The following MACROD2 variants were observed in gnomAD, a reference collection of about 807,000 sequenced individuals.
The protein encoded by MACROD2 is ADP-ribose glycohydrolase MACROD2.
MACROD2 carries 36 observed loss-of-function variants against 70.4 expected under a neutral mutation model. That is an observed-to-expected ratio of 0.51 (90% CI 0.39 to 0.68). The LOEUF (loss-of-function observed/expected upper bound fraction) is 0.68. Ranked by LOEUF, MACROD2 falls within the 30% of genes least tolerant of loss-of-function variation. The pLI, the probability that MACROD2 is intolerant of heterozygous loss-of-function variation, is 0.00. For synonymous variants in MACROD2, 172 were observed against 178.8 expected, an observed-to-expected ratio of 0.96 and a Z score of 0.30; for missense variants, 496 against 538.4, an observed-to-expected ratio of 0.92 and a Z score of 0.78.
At chr20:15,147,997 G>T (rs904110542) in intron 5 of MACROD2, among the ~76,000 whole-genome samples, 1 of 152,120 alleles carries the variant, frequency 6.6e-6, no homozygotes, top group Non-Finnish European at 1.5e-5. Flanking sequence ...ATGTGTATGT[G>T]CAGGTCACAG....
At chr20:14,495,132 A>G (rs559038456) in intron 4 of MACROD2, among the ~76,000 whole-genome samples, 1 of 152,238 alleles carries the variant, frequency 6.6e-6, no homozygotes, top group South Asian at 2.1e-4. Flanking sequence ...CAGAAAAAGT[A>G]AAAAACATTA....
At chr20:14,382,795 A>G (rs1204186021) in intron 3 of MACROD2, among the ~76,000 whole-genome samples, 4 of 152,218 alleles carry the variant, frequency 2.6e-5, no homozygotes, top group African/African-American at 9.6e-5. Context: ...TCCTGACTTC[A>G]GTTATTCTTG....
chr20:15,757,639 C>CAA (rs1473067130), intron 8 of MACROD2, among the ~76,000 whole-genome samples: 1 of 152,136 alleles, frequency 6.6e-6, no homozygotes, highest in Non-Finnish European at 1.5e-5. Context: ...AAACAACAGA[C>CAA]ATTTATTTCT....
intron 7 of MACROD2, among the ~76,000 whole-genome samples, chr20:15,477,810 G>T (rs137989199): frequency 2.0e-3 from 299 of 152,284 alleles, no homozygotes; most frequent in Non-Finnish European, 1.3e-3. Context: ...TGATCCACAT[G>T]GGCCCAATGT....
chr20:15,421,954 A>G (rs1006476771), intron 6 of MACROD2, among the ~76,000 whole-genome samples: 1 of 152,242 alleles, frequency 6.6e-6, no homozygotes, highest in Admixed American at 6.5e-5. Flanking sequence ...CAAAGATCTA[A>G]AAGGAACAAG....
intron 8 of MACROD2, among the ~76,000 whole-genome samples, chr20:15,690,693 C>T (rs941744561): frequency 6.6e-6 from 1 of 152,100 alleles, no homozygotes; most frequent in African/African-American, 2.4e-5. Context: ...TAATGTCTCC[C>T]TGAATAAGTG....
intron 5 of MACROD2, among the ~76,000 whole-genome samples, chr20:14,813,966 T>A (rs1343857638): frequency 6.6e-6 from 1 of 152,066 alleles, no homozygotes; most frequent in Non-Finnish European, 1.5e-5. Flanking sequence ...AGCTATCTCA[T>A]TAACCAGCAA....
At chr20:14,548,864 A>C (rs1233869237) in intron 4 of MACROD2, among the ~76,000 whole-genome samples, 2 of 152,152 alleles carry the variant, frequency 1.3e-5, no homozygotes, top group Non-Finnish European at 2.9e-5. Flanking sequence ...AGGCTAAAAA[A>C]AGGGTGACAA....
intron 5 of MACROD2, among the ~76,000 whole-genome samples, chr20:15,101,515 G>A (rs758396279): frequency 4.2e-4 from 51 of 120,428 alleles, no homozygotes; most frequent in South Asian, 1.7e-3. Context: ...GTCCAGCACA[G>A]ATAACCCAGG....
intron 5 of MACROD2, among the ~76,000 whole-genome samples, chr20:15,173,930 G>A (rs74513667): frequency 0.081 from 12,256 of 152,130 alleles, 635 homozygotes; most frequent in Admixed American, 0.12. Context: ...CATAGACTTC[G>A]AGATAAAATG....
intron 8 of MACROD2, among the ~76,000 whole-genome samples, chr20:15,616,511 T>C (rs916731714): frequency 6.6e-6 from 1 of 152,182 alleles, no homozygotes; most frequent in African/African-American, 2.4e-5. Context: ...ACCTGGTAGC[T>C]CATTAGTGTT....
chr20:16,036,519 TA>T (rs1453542490), intron 15 of MACROD2, among the ~76,000 whole-genome samples: 2 of 152,030 alleles, frequency 1.3e-5, no homozygotes, highest in Non-Finnish European at 2.9e-5. Context: ...CTGCATCTTT[TA>T]TCCCCTGCTA....
intron 3 of MACROD2, among the ~76,000 whole-genome samples, chr20:14,298,303 C>T (rs527501531): frequency 1.3e-5 from 2 of 151,922 alleles, no homozygotes; most frequent in Admixed American, 6.6e-5. Flanking sequence ...TGTGGTGGCT[C>T]ACGCCTGTAA....
intron 5 of MACROD2, among the ~76,000 whole-genome samples, chr20:15,112,857 TC>T (rs2075965024): frequency 1.3e-5 from 2 of 152,126 alleles, no homozygotes; most frequent in South Asian, 4.1e-4. Context: ...ATTTAACTGT[TC>T]TAGGTATGTC....
At chr20:14,719,187 C>T (rs1392592438) in intron 5 of MACROD2, among the ~76,000 whole-genome samples, 3 of 151,572 alleles carry the variant, frequency 2.0e-5, no homozygotes, top group African/African-American at 2.4e-5. Flanking sequence ...AGCGAGATCG[C>T]GCCACTGCAC....
intron 3 of MACROD2, among the ~76,000 whole-genome samples, chr20:14,185,973 G>C (rs1016815084): frequency 3.3e-5 from 5 of 152,066 alleles, no homozygotes; most frequent in Admixed American, 3.3e-4. Context: ...TGCTTTCAGA[G>C]TGTATCCCAA....
intron 3 of MACROD2, among the ~76,000 whole-genome samples, chr20:14,298,706 C>T (rs1369024764): frequency 6.6e-6 from 1 of 150,662 alleles, no homozygotes; most frequent in East Asian, 1.9e-4. Flanking sequence ...ACATTTGTGA[C>T]TCATGGGAGG....
intron 3 of MACROD2, among the ~76,000 whole-genome samples, chr20:14,194,214 T>C (rs967780170): frequency 2.6e-5 from 4 of 152,122 alleles, no homozygotes; most frequent in African/African-American, 9.7e-5. Context: ...GGTGGGTAAG[T>C]GGCTTATGAC....
intron 6 of MACROD2, among the ~76,000 whole-genome samples, chr20:15,251,355 C>G (rs940396309): frequency 6.6e-6 from 1 of 152,148 alleles, no homozygotes; most frequent in African/African-American, 2.4e-5. Context: ...TAAATGCTCC[C>G]CAGTGCAAAT....
Sources: allele counts gnomAD v4.1 joint callset (sites outside exome capture counted in the v4.1 genomes callset), GRCh38; gene constraint gnomAD v4.1.1; transcripts MANE v1.5; gene names NCBI Gene and HGNC (gene_info 2026-07-23, HGNC 2026-07-21).